Variants in PRKN observed in about 807,000 individuals in gnomAD.
PRKN encodes the protein parkin RBR E3 ubiquitin protein ligase, also known as E3 ubiquitin-protein ligase parkin.
A neutral mutation model predicts 59.5 loss-of-function variants in PRKN; 56 were observed. The ratio of observed to expected loss-of-function variants is 0.94; its 90% CI spans 0.76 to 1.18. PRKN has a LOEUF of 1.18. Ranked by LOEUF, PRKN falls within the 50% of genes most tolerant of loss-of-function variation. The pLI is 0.00. For synonymous variants in PRKN, 250 were observed against 222.1 expected (o/e 1.13, Z -1.12); for missense variants, 657 against 596.4 (o/e 1.10, Z -1.06).
chr6:162,251,568 C>T (rs978126124), intron 3 of PRKN, among the ~76,000 whole-genome samples: 1 of 152,180 alleles, frequency 6.6e-6, no homozygotes, highest in Non-Finnish European at 1.5e-5. Flanking sequence ...AATAGTAATA[C>T]ATATTCATTC....
At chr6:161,515,568 G>A (rs1778557524) in intron 9 of PRKN, among the ~76,000 whole-genome samples, 1 of 152,184 alleles carries the variant, frequency 6.6e-6, no homozygotes, top group Non-Finnish European at 1.5e-5. Flanking sequence ...TACTTCACAT[G>A]TGTTTCATTT....
chr6:162,602,582 A>G (rs1407933472), intron 1 of PRKN, among the ~76,000 whole-genome samples: 2 of 152,218 alleles, frequency 1.3e-5, no homozygotes, highest in African/African-American at 4.8e-5. Context: ...CAAAGCAGGA[A>G]CAAAAAGACA....
chr6:162,195,733 T>A (rs1375986215), intron 4 of PRKN, among the ~76,000 whole-genome samples: 1 of 152,124 alleles, frequency 6.6e-6, no homozygotes, highest in Admixed American at 6.6e-5. Context: ...GCTACAGTAA[T>A]CTCCTGGCTT....
chr6:162,274,093 G>T (rs574742388), intron 2 of PRKN, among the ~76,000 whole-genome samples: 1 of 151,870 alleles, frequency 6.6e-6, no homozygotes, highest in African/African-American at 2.4e-5. Context: ...TGTTTGAATC[G>T]AGATCCAAAC....
chr6:161,504,255 T>G (rs1333743683), intron 9 of PRKN, among the ~76,000 whole-genome samples: 1 of 152,138 alleles, frequency 6.6e-6, no homozygotes, highest in Non-Finnish European at 1.5e-5. Flanking sequence ...GAACACAGCG[T>G]TATCTGCACC....
At chr6:161,981,427 C>T (rs1224610906) in intron 5 of PRKN, among the ~76,000 whole-genome samples, 1 of 152,122 alleles carries the variant, frequency 6.6e-6, no homozygotes, top group Non-Finnish European at 1.5e-5. Flanking sequence ...CACCCATTGT[C>T]CCAGCTATTT....
At chr6:161,693,080 A>T (rs754883548) in intron 7 of PRKN, among the ~76,000 whole-genome samples, 2 of 152,116 alleles carry the variant, frequency 1.3e-5, no homozygotes, top group Non-Finnish European at 2.9e-5. Context: ...TATTTTTCTG[A>T]TCATAAAAAT....
At chr6:162,363,957 C>G (rs1785286172) in intron 2 of PRKN, among the ~76,000 whole-genome samples, 2 of 152,212 alleles carry the variant, frequency 1.3e-5, no homozygotes, top group Admixed American at 6.5e-5. Flanking sequence ...TATTCACCGG[C>G]TGTGATGCAA....
intron 2 of PRKN, chr6:162,275,221 G>C (rs566703714): frequency 6.6e-6 from 1 of 151,522 alleles, no homozygotes; most frequent in African/African-American, 2.4e-5. Flanking sequence ...GCCTGAGTCT[G>C]ACTACATTTG....
At position 161,578,119 on chromosome 6, in the gene PRKN, G is replaced by C. The variant is rs983489178; in HGVS notation, c.872-8703C>G. On this transcript the variant is annotated intron_variant, in intron 7 of 11. Coordinates refer to ENST00000366898, the MANE Select transcript of PRKN (RefSeq NM_004562.3). The surrounding 1 kb of genome is among the most constrained non-coding windows in gnomAD (Gnocchi z 4.2). ...ATGTAGAAAGAGCCAAGTGAGCAGA[G>C]AGCAACCAAAGAGGTATAAAAAAAG... Among the ~76,000 whole-genome samples the C allele has an allele frequency of 4.6e-5, 7 of 151,984 alleles. No individual in the cohort carries two copies. Among genetic ancestry groups the C allele is most frequent in the South Asian group, 2.1e-4 (1 of 4,808 alleles).
At chr6:161,891,284 G>A (rs9346889) in intron 6 of PRKN, among the ~76,000 whole-genome samples, 48,839 of 152,008 alleles carry the variant, frequency 0.32, 8,051 homozygotes, top group East Asian at 0.43. Flanking sequence ...TGGGCGCCCC[G>A]AGGAAACACT....
rs2094715952 is a variant in PRKN, at chr6:161,544,623, G to A, written c.1083+4231C>T. ...GCTTAGGACAGGAATATAAAGACAGGAAACCACTGTAACACTGCAGCTTGA... is the reference window on the plus strand; with the variant it reads ...GCTTAGGACAGGAATATAAAGACAGAAAACCACTGTAACACTGCAGCTTGA... On this transcript the variant is annotated intron_variant, in intron 9 of 11. Transcript: ENST00000366898. The surrounding 1 kb of genome is among the most constrained non-coding windows in gnomAD (Gnocchi z 5.5). 6.6e-6 allele frequency among the ~76,000 whole-genome samples: 1 copy of A among 152,060 alleles called. No individual in the cohort carries two copies. Among genetic ancestry groups the A allele is most frequent in the Non-Finnish European group, 1.5e-5 (1 of 68,008 alleles).
chr6:161,568,483 C>T (rs1780737798), intron 8 of PRKN, among the ~76,000 whole-genome samples: 1 of 152,164 alleles, frequency 6.6e-6, no homozygotes, highest in African/African-American at 2.4e-5. Flanking sequence ...GTCCCAGCTG[C>T]TCAGGAGGCT....
At chr6:161,935,940 T>C (rs1419987410) in intron 6 of PRKN, among the ~76,000 whole-genome samples, 3 of 152,140 alleles carry the variant, frequency 2.0e-5, no homozygotes, top group African/African-American at 7.2e-5. Context: ...CAATTCTGAG[T>C]GAAAAATTAA....
At chr6:161,638,895 C>T (rs533803060) in intron 7 of PRKN, among the ~76,000 whole-genome samples, 3 of 152,074 alleles carry the variant, frequency 2.0e-5, no homozygotes, top group South Asian at 4.2e-4. Context: ...GCGTGTGCCA[C>T]CATACCTAGC....
At chr6:161,767,238 G>A (rs1789460778) in intron 7 of PRKN, among the ~76,000 whole-genome samples, 1 of 152,206 alleles carries the variant, frequency 6.6e-6, no homozygotes, top group Admixed American at 6.5e-5. Context: ...CATGGGCCGG[G>A]CACGGTGGCT....
At chr6:161,441,726 G>T (rs148018413) in intron 9 of PRKN, among the ~76,000 whole-genome samples, 1 of 151,652 alleles carries the variant, frequency 6.6e-6, no homozygotes, top group African/African-American at 2.4e-5. Context: ...AGTTCCCAGA[G>T]CTGCTCCTGC....
chr6:162,634,675 G>C (rs933678046), intron 1 of PRKN, among the ~76,000 whole-genome samples: 1 of 152,186 alleles, frequency 6.6e-6, no homozygotes, highest in Non-Finnish European at 1.5e-5. Context: ...ACCAGGCTGA[G>C]TGCAGAGGCG....
chr6:161,349,642 G>A lies in PRKN; in HGVS notation c.*457C>T, dbSNP rs548853930. ...TTTTACAGAGAAACACCTTGTCAAT[G>A]GCATCTTCATGGTGTTTACTGAAGG... On this transcript the variant is annotated 3_prime_UTR_variant, in exon 12 of 12. Transcript: ENST00000366898. This position sits in a 1 kb window ranked among gnomAD's most constrained non-coding sequence, Gnocchi z 5.5. 4 of 266,970 alleles carry A rather than the reference G, an allele frequency of 1.5e-5. No individual in the cohort carries two copies. In the South Asian group the frequency reaches 4.2e-4, roughly 28 times the overall value. 16.5% of individuals were successfully genotyped at this position (266,970 alleles called of 1,614,324 possible). A position where few individuals can be genotyped will look rare whatever the true frequency, so the allele number is the denominator to read the frequency against.
Sources: gnomAD v4.1 joint callset for allele counts (sites outside exome capture counted in the v4.1 genomes callset) on GRCh38, gnomAD v4.1.1 for gene constraint, Gnocchi (gnomAD v3.1) non-coding constraint, MANE v1.5 for transcripts, NCBI Gene and HGNC (gene_info 2026-07-23, HGNC 2026-07-21) for gene names.